TTC8: variants seen among roughly 807,000 people sequenced by gnomAD.
TTC8 encodes the protein tetratricopeptide repeat protein 8.
TTC8 carries 47 observed loss-of-function variants against 72.5 expected under a neutral mutation model. The ratio of observed to expected loss-of-function variants is 0.65; its 90% confidence interval spans 0.51 to 0.83. TTC8 has a LOEUF of 0.83. Ranked by LOEUF, TTC8 falls within the 40% of genes least tolerant of loss-of-function variation. The pLI, the probability that TTC8 is intolerant of heterozygous loss-of-function variation, is 0.00. For missense variants in TTC8, 611 were observed against 623.2 expected, an observed-to-expected ratio of 0.98 and a Z score of 0.21; for synonymous variants, 199 against 221.4, an observed-to-expected ratio of 0.90 and a Z score of 0.90.
chr14:88,875,910 C>G (rs986139213), intron 14 of TTC8, among the ~76,000 whole-genome samples: 1 of 152,120 alleles, frequency 6.6e-6, no homozygotes, highest in Non-Finnish European at 1.5e-5. Flanking sequence ...CCCAACTACC[C>G]CGCCTTCCTC....
chr14:88,865,727 A>G (rs1170310609), intron 10 of TTC8, among the ~76,000 whole-genome samples: 3 of 152,128 alleles, frequency 2.0e-5, no homozygotes, highest in Non-Finnish European at 4.4e-5. Context: ...TTGTGTCTAC[A>G]TTTTGTGAAT....
chr14:88,853,370 AGAACC>A (rs912433784), intron 8 of TTC8, among the ~76,000 whole-genome samples: 4 of 152,236 alleles, frequency 2.6e-5, no homozygotes, highest in Admixed American at 2.6e-4. Context: ...ACCAGGGACT[AGAACC>A]AAGTCTGCTG....
intron 6 of TTC8, 33 bp downstream of exon 6, chr14:88,841,547 T>A: frequency 6.7e-7 from 1 of 1,499,656 alleles, no homozygotes; most frequent in Non-Finnish European, 9.3e-7. Flanking sequence ...AGTTATGAAG[T>A]AATATTACAC....
intron 1 of TTC8, 67 bp from the exon 2 acceptor site, chr14:88,833,626 C>T: frequency 2.7e-6 from 4 of 1,472,414 alleles, no homozygotes; most frequent in Non-Finnish European, 2.9e-6. Flanking sequence ...TTGGTTGGTC[C>T]TTAGGACTTT....
chr14:88,824,991 C>G (rs184014291), intron 1 of TTC8, among the ~76,000 whole-genome samples, 170 bp downstream of exon 1: 4 of 152,282 alleles, frequency 2.6e-5, no homozygotes, highest in Non-Finnish European at 4.4e-5. Context: ...ACTAGCGGGT[C>G]CGCTGTCCGC....
At chr14:88,867,721 A>G (rs2094917313) in intron 10 of TTC8, among the ~76,000 whole-genome samples, 1 of 152,212 alleles carries the variant, frequency 6.6e-6, no homozygotes, top group Non-Finnish European at 1.5e-5. Context: ...ACATAAATTA[A>G]TTTCTGTGTC....
At chr14:88,836,665 G>T (rs1426247809) in intron 2 of TTC8, among the ~76,000 whole-genome samples, 1 of 152,110 alleles carries the variant, frequency 6.6e-6, no homozygotes, top group Non-Finnish European at 1.5e-5. Flanking sequence ...GAATCATGAT[G>T]AATTGGACTA....
At chr14:88,860,240 T>A (rs2094879321) in intron 9 of TTC8, among the ~76,000 whole-genome samples, 1 of 152,050 alleles carries the variant, frequency 6.6e-6, no homozygotes, top group Non-Finnish European at 1.5e-5. Flanking sequence ...TAGTTTTCTA[T>A]TGTATCCCTT....
intron 1 of TTC8, among the ~76,000 whole-genome samples, chr14:88,825,533 A>G (rs1007159761): frequency 6.6e-6 from 1 of 152,232 alleles, no homozygotes; most frequent in Admixed American, 6.5e-5. Context: ...AAGGTAGTAT[A>G]CAATGTACGT....
intron 10 of TTC8, among the ~76,000 whole-genome samples, chr14:88,868,037 G>A (rs1211281281): frequency 6.6e-6 from 1 of 152,166 alleles, no homozygotes; most frequent in African/African-American, 2.4e-5. Context: ...AGAGATACAA[G>A]ATTTCGACAA....
chr14:88,841,294 A>G, intron 5 of TTC8, 98 bp downstream of exon 5: 1 of 1,587,768 alleles, frequency 6.3e-7, no homozygotes, highest in Non-Finnish European at 8.6e-7. Flanking sequence ...GTTATAGTGG[A>G]GAATTATATG....
chr14:88,857,067 A>G (rs1439150277), intron 8 of TTC8, 123 bp from the exon 9 acceptor site: 1 of 842,534 alleles, frequency 1.2e-6, no homozygotes, highest in Non-Finnish European at 2.0e-6. Context: ...ATTTATGTGT[A>G]TGTGCAACAT....
intron 8 of TTC8, among the ~76,000 whole-genome samples, chr14:88,856,525 G>A (rs1303214255): frequency 6.6e-6 from 1 of 152,174 alleles, no homozygotes; most frequent in Non-Finnish European, 1.5e-5. Flanking sequence ...TGAAAGTTGT[G>A]TGTGTTTTAA....
intron 10 of TTC8, among the ~76,000 whole-genome samples, chr14:88,863,537 A>G (rs1241802385): frequency 6.6e-6 from 1 of 152,220 alleles, no homozygotes; most frequent in African/African-American, 2.4e-5. Context: ...TCACACAACA[A>G]AGACTCCCAG....
intron 1 of TTC8, among the ~76,000 whole-genome samples, chr14:88,826,870 A>G (rs1197131208): frequency 6.6e-6 from 1 of 152,238 alleles, no homozygotes; most frequent in African/African-American, 2.4e-5. Flanking sequence ...AAGTTCCCTC[A>G]TTAAGTACAT....
intron 2 of TTC8, 189 bp downstream of exon 2, chr14:88,833,911 G>A (rs2094738051): frequency 6.4e-6 from 4 of 624,080 alleles, no homozygotes; most frequent in Admixed American, 5.1e-5. Flanking sequence ...TGTGTATATT[G>A]ATAGCCTTGT....
At chr14:88,873,952 G>C (rs944790078) in intron 13 of TTC8, among the ~76,000 whole-genome samples, 1 of 152,098 alleles carries the variant, frequency 6.6e-6, no homozygotes, top group African/African-American at 2.4e-5. Flanking sequence ...AGGAAAGAAA[G>C]GTCATTGGAT....
At chr14:88,842,140 A>G (rs949129426) in intron 6 of TTC8, among the ~76,000 whole-genome samples, 7 of 152,214 alleles carry the variant, frequency 4.6e-5, no homozygotes, top group African/African-American at 1.7e-4. Flanking sequence ...CCTTTTCAGT[A>G]TATAAACCTT....
rs373107617 is a variant in TTC8, at chr14:88,841,468, C to T, written c.533C>T (p.Ser178Phe). ...CCTGATGGACCATTTATAAATTTAT[C>T]TAGGCTGAATTTAACAAAGTATTCC... ...TSPDGPFINLSRLNLTKYSQK... is the reference protein window; with the variant it reads ...TSPDGPFINLFRLNLTKYSQK... Residue 178 changes from serine (S) to phenylalanine (F), a missense_variant, in exon 6 of 15, where the codon TCT becomes TTT. By Grantham distance (155) the Ser-to-Phe change is radical. Transcript: ENST00000380656. The T allele has an allele frequency of 3.1e-6, 5 of 1,613,550 alleles. No individual in the cohort carries two copies. The highest frequency in any genetic ancestry group is 4.5e-5 in the East Asian group (2 of 44,800).
Sources: allele counts gnomAD v4.1 joint callset (sites outside exome capture counted in the v4.1 genomes callset), GRCh38; gene constraint gnomAD v4.1.1; transcripts MANE v1.5; gene names NCBI Gene and HGNC (gene_info 2026-07-23, HGNC 2026-07-21).